Variants in MECR observed in about 807,000 individuals in gnomAD.
MECR encodes enoyl-[acyl-carrier-protein] reductase, mitochondrial.
MECR carries 37 observed loss-of-function variants against 49.1 expected under a neutral mutation model. The observed-to-expected ratio is 0.75, with a 90% CI of 0.58 to 0.99. The LOEUF is 0.99. Ranked by LOEUF, MECR falls within the 50% of genes least tolerant of loss-of-function variation. The pLI is 0.00. For synonymous variants in MECR, 198 were observed against 191.1 expected, an observed-to-expected ratio of 1.04 and a Z score of -0.30; for missense variants, 470 against 479.6, an observed-to-expected ratio of 0.98 and a Z score of 0.19.
chr1:29,178,353 C>CTTCTTTTTTTTTTT, the MECR span, among the ~76,000 whole-genome samples: 59 of 127,854 alleles, frequency 4.6e-4, 4 homozygotes, highest in South Asian at 7.5e-4. Flanking sequence ...GTTTCAATTA[C>CTTCTTTTTTTTTTT]TTTTTTTTTT....
intron 4 of MECR, among the ~76,000 whole-genome samples, chr1:29,205,606 C>T (rs1000962126): frequency 2.0e-5 from 3 of 151,046 alleles, no homozygotes; most frequent in African/African-American, 7.3e-5. Flanking sequence ...CTGAGGTGGG[C>T]GGATCACAAG....
At chr1:29,174,212 GA>G in the MECR span, among the ~76,000 whole-genome samples, 142,442 of 145,684 alleles carry the variant, frequency 0.98, 69,686 homozygotes, top group South Asian at 1. Context: ...AAAGAAAAAA[GA>G]AAAAAAAAAA....
downstream of MECR, among the ~76,000 whole-genome samples, chr1:29,190,738 G>C (rs952488180): frequency 4.7e-5 from 7 of 150,282 alleles, no homozygotes; most frequent in Admixed American, 2.0e-4. Context: ...GCAGTGAGCC[G>C]AGATTGCACC....
rs2503017 is a variant in MECR, at chr1:29,206,568, A to G, written c.550+194T>C. Among the ~76,000 whole-genome samples the G allele has an allele frequency of 0.3, 45,588 of 152,078 alleles. 7,193 individuals carry two copies. The highest frequency in any genetic ancestry group is 0.36 in the Middle Eastern group (105 of 294). On this transcript the variant is annotated intron_variant, in intron 4 of 9. Transcript: ENST00000263702. ...AGCAGTTTTCGAGAGTGTACTCCTC[A>G]TGAGGTTTCAGCATGTTTCCTAGGA...
At chr1:29,182,844 T>C in the MECR span, among the ~76,000 whole-genome samples, 1 of 152,204 alleles carries the variant, frequency 6.6e-6, no homozygotes, top group East Asian at 1.9e-4. Context: ...GCGCCTGGCC[T>C]ATCCAGTCTA....
chr1:29,217,999 T>G (rs1679895344), intron 1 of MECR, among the ~76,000 whole-genome samples: 2 of 152,218 alleles, frequency 1.3e-5, no homozygotes, highest in African/African-American at 2.4e-5. Flanking sequence ...AAGTTTCTTC[T>G]CTGCTCTAGG....
chr1:29,182,387 C>T, the MECR span, among the ~76,000 whole-genome samples: 1 of 152,112 alleles, frequency 6.6e-6, no homozygotes, highest in African/African-American at 2.4e-5. Flanking sequence ...GTACATAAAG[C>T]ACTTAGTAGT....
the MECR span, among the ~76,000 whole-genome samples, chr1:29,175,211 AAAAC>A: frequency 6.7e-6 from 1 of 149,410 alleles, no homozygotes; most frequent in Non-Finnish European, 1.5e-5. Flanking sequence ...TCAGGAGTTC[AAAAC>A]CAGGCTGGCC....
At chr1:29,210,013 T>A (rs1574380771) in intron 3 of MECR, among the ~76,000 whole-genome samples, 1 of 42,866 alleles carries the variant, frequency 2.3e-5, no homozygotes, top group Non-Finnish European at 5.1e-5. Flanking sequence ...GCAGGAACAC[T>A]TTTTTTTTTT....
At chr1:29,187,270 G>C in the MECR span, among the ~76,000 whole-genome samples, 5 of 152,176 alleles carry the variant, frequency 3.3e-5, no homozygotes, top group African/African-American at 4.8e-5. Context: ...CTAGAGTGCA[G>C]TGGTGAGATC....
At chr1:29,219,942 A>G (rs1574473341) in intron 1 of MECR, among the ~76,000 whole-genome samples, 1 of 152,166 alleles carries the variant, frequency 6.6e-6, no homozygotes. Flanking sequence ...AGCTCTTTTT[A>G]CTTATCACCT....
chr1:29,230,666 G>C, intron 1 of MECR, 65 bp downstream of exon 1: 5 of 1,520,634 alleles, frequency 3.3e-6, no homozygotes, highest in Non-Finnish European at 4.4e-6. Context: ...TTCCCAGTCC[G>C]CAGCTCGTGT....
the MECR span, among the ~76,000 whole-genome samples, chr1:29,178,546 C>T: frequency 2.6e-5 from 4 of 151,670 alleles, no homozygotes; most frequent in South Asian, 2.1e-4. Flanking sequence ...TTAGTAGAGA[C>T]GGGGTTTCAC....
chr1:29,190,122 C>T (rs1034152935), downstream of MECR, among the ~76,000 whole-genome samples: 3 of 152,190 alleles, frequency 2.0e-5, no homozygotes, highest in Non-Finnish European at 2.9e-5. Context: ...CGCCTGTAAT[C>T]CCAGCACTTT....
the MECR span, among the ~76,000 whole-genome samples, chr1:29,178,704 A>G: frequency 6.6e-6 from 1 of 152,192 alleles, no homozygotes; most frequent in Non-Finnish European, 1.5e-5. Flanking sequence ...GCTTCCCAGT[A>G]GGGAGATCCA....
At chr1:29,169,711 G>A in the MECR span, 1 of 152,240 alleles carries the variant, frequency 6.6e-6, no homozygotes, top group South Asian at 2.1e-4. Context: ...CTCTAATGAT[G>A]AACTAACCAA....
At chr1:29,171,086 A>G in the MECR span, 1 of 152,216 alleles carries the variant, frequency 6.6e-6, no homozygotes, top group Non-Finnish European at 1.5e-5. Flanking sequence ...GGCCCTAGGA[A>G]TGACAATAAG....
intron 3 of MECR, among the ~76,000 whole-genome samples, chr1:29,207,625 G>A (rs1456854324): frequency 1.3e-5 from 2 of 151,528 alleles, no homozygotes; most frequent in Non-Finnish European, 1.5e-5. Flanking sequence ...CTGCAGTCCC[G>A]GCTTCTCATG....
chr1:29,182,126 G>T, the MECR span: 1 of 184,462 alleles, frequency 5.4e-6, no homozygotes, highest in Non-Finnish European at 1.1e-5. Context: ...AGCTGGCTTC[G>T]CCCCTCCCCC....
Sources: gnomAD v4.1 joint callset for allele counts (sites outside exome capture counted in the v4.1 genomes callset) on GRCh38, gnomAD v4.1.1 for gene constraint, MANE v1.5 for transcripts, NCBI Gene and HGNC (gene_info 2026-07-23, HGNC 2026-07-21) for gene names.